Variants in TRPV3 observed in about 807,000 individuals in gnomAD.
TRPV3 encodes VRL-3.
A neutral mutation model predicts 87.1 loss-of-function variants in TRPV3; 88 were observed. The ratio of observed to expected loss-of-function variants is 1.01; its 90% CI spans 0.85 to 1.21. The LOEUF (loss-of-function observed/expected upper bound fraction) is 1.21. Ranked by LOEUF, TRPV3 falls within the 50% of genes most tolerant of loss-of-function variation. The pLI is 0.00. For synonymous variants in TRPV3, 438 were observed against 423.3 expected (o/e 1.03, Z -0.43); for missense variants, 1,054 against 1,030.1 (o/e 1.02, Z -0.32).
chr17:3,544,717 C>T (rs1426148306), intron 3 of TRPV3, 52 bp from the exon 4 acceptor site: 3 of 1,369,460 alleles, frequency 2.2e-6, no homozygotes, highest in South Asian at 1.2e-5. Flanking sequence ...TTAAAATGGG[C>T]CGGGTGAGGT....
Position 3,528,102 on chromosome 17 carries a change from T to A in TRPV3, c.1426A>T (p.Thr476Ser). The A allele has an allele frequency of 6.2e-7, 1 of 1,613,466 alleles. No homozygotes were observed. The highest frequency in any genetic ancestry group is 8.5e-7 in the Non-Finnish European group (1 of 1,179,856). Residue 476 changes from threonine to serine, a missense_variant, in exon 11 of 18, where the codon ACG becomes TCG. Coordinates refer to ENST00000576742, the MANE Select transcript of TRPV3 (RefSeq NM_145068.4). The surrounding 1 kb of genome is among the most constrained non-coding windows in gnomAD (Gnocchi z 4.2). ...AGCTGCAGCCACCCCATCTTGTGCGTCAGGGCCAAGGGGTGCGGGATGGCC... is the reference window on the plus strand; with the variant it reads ...AGCTGCAGCCACCCCATCTTGTGCGACAGGGCCAAGGGGTGCGGGATGGCC... ...EEAIPHPLAL[T>S]HKMGWLQLLG...
chr17:3,551,180 G>A (rs1567646135), intron 2 of TRPV3, among the ~76,000 whole-genome samples: 1 of 152,246 alleles, frequency 6.6e-6, no homozygotes, highest in Admixed American at 6.5e-5. Flanking sequence ...GTCTATGTCT[G>A]GAGAAGGAAG....
At chr17:3,543,011 G>T (rs2074483061) in intron 5 of TRPV3, among the ~76,000 whole-genome samples, 1 of 151,652 alleles carries the variant, frequency 6.6e-6, no homozygotes, top group African/African-American at 2.4e-5. Context: ...CCTCCTCGTG[G>T]CCTGCAAATA....
Position 3,530,337 on chromosome 17 carries a change from G to T in TRPV3, c.1066-134C>A, listed in dbSNP as rs544413134. ...GGGTGGAGACCTGCCTCTGCGCCTG[G>T]CGCCATGGCCCCTGGGCCCCGTCTT... On this transcript the variant is annotated intron_variant, in intron 8 of 17. Transcript: ENST00000576742. The surrounding 1 kb of genome is among the most constrained non-coding windows in gnomAD (Gnocchi z 4.0). 1 of 828,026 alleles carries T rather than the reference G, an allele frequency of 1.2e-6. No individual in the cohort carries two copies. Among genetic ancestry groups the T allele is most frequent in the Non-Finnish European group, 1.8e-6 (1 of 547,242 alleles). The allele number at this position is 828,026 out of a possible 1,614,324, so 51.3% of individuals were successfully genotyped here. A position where few individuals can be genotyped will look rare whatever the true frequency, so the allele number is the denominator to read the frequency against.
intron 15 of TRPV3, 114 bp from the exon 16 acceptor site, chr17:3,516,683 C>T (rs759455415): frequency 1.2e-5 from 9 of 758,080 alleles, no homozygotes; most frequent in South Asian, 3.1e-5. Context: ...ATGCATAGAT[C>T]GCAAGGGTTT....
chr17:3,521,086 T>C (rs376004416), intron 13 of TRPV3, 47 bp from the exon 14 acceptor site: 4 of 1,270,876 alleles, frequency 3.1e-6, no homozygotes, highest in Non-Finnish European at 4.5e-6. Flanking sequence ...AAGCACATAT[T>C]CACGGCACCC....
In TRPV3 at chr17:3,518,442, TG is replaced by T; in HGVS notation, c.2085+133del. On this transcript the variant is annotated intron_variant, in intron 15 of 17. Coordinates refer to ENST00000576742, the MANE Select transcript of TRPV3 (RefSeq NM_145068.4). The surrounding 1 kb of genome is among the most constrained non-coding windows in gnomAD (Gnocchi z 4.3). ...ACCTAGGCTAAGGCCTCCTCAAACCTGGCCACACACTGAGGAGCTTGTGCAG... is the reference window on the plus strand; with the variant it reads ...ACCTAGGCTAAGGCCTCCTCAAACCTGCCACACACTGAGGAGCTTGTGCAG... 1 of 1,074,986 alleles carries T rather than the reference TG, an allele frequency of 9.3e-7. No homozygotes were observed. Among genetic ancestry groups the T allele is most frequent in the Non-Finnish European group, 1.3e-6 (1 of 765,988 alleles). The allele number at this position is 1,074,986 out of a possible 1,614,324, so 66.6% of individuals were successfully genotyped here.
Position 3,520,819 on chromosome 17 carries a change from A to G in TRPV3, c.1810+154T>C, listed in dbSNP as rs56899958. ...AGTATAATAAAATATATATGTATAT[A>G]TATAAAGGTAATGCTTGGAAAATGC... On this transcript the variant is annotated intron_variant, in intron 14 of 17. Coordinates refer to ENST00000576742, the MANE Select transcript of TRPV3 (RefSeq NM_145068.4). Among the ~76,000 whole-genome samples, 185 of 152,318 alleles carry G rather than the reference A, an allele frequency of 1.2e-3. 3 individuals carry two copies. The East Asian group carries it at 0.032, about 27-fold the overall frequency.
chr17:3,515,006 CAGAG>C (rs1325943731), intron 16 of TRPV3, among the ~76,000 whole-genome samples: 1 of 152,116 alleles, frequency 6.6e-6, no homozygotes. Context: ...CGGGGACAGA[CAGAG>C]GGAGGGCCCG....
chr17:3,517,810 C>CTTTTTTTTTTTTTTTTTTTT (rs71153363), intron 15 of TRPV3, among the ~76,000 whole-genome samples: 2 of 113,178 alleles, frequency 1.8e-5, no homozygotes, highest in Non-Finnish European at 3.6e-5. Context: ...ATGAGCATTT[C>CTTTTTTTTTTTTTTTTTTTT]TTTTTTTTTT....
intron 6 of TRPV3, among the ~76,000 whole-genome samples, chr17:3,538,644 G>A (rs909309553): frequency 1.1e-4 from 16 of 151,930 alleles, no homozygotes; most frequent in Non-Finnish European, 2.2e-4. Context: ...GAGTGCAGTG[G>A]CGCGATCTCG....
intron 8 of TRPV3, 147 bp downstream of exon 8, chr17:3,532,510 C>A: frequency 9.4e-7 from 1 of 1,059,740 alleles, no homozygotes. Flanking sequence ...GCCGCCACGC[C>A]ACTGCAGTTC....
chr17:3,548,571 C>T (rs926564051), intron 2 of TRPV3, among the ~76,000 whole-genome samples: 8 of 152,234 alleles, frequency 5.3e-5, no homozygotes, highest in African/African-American at 1.9e-4. Flanking sequence ...CTGCCCTTTC[C>T]TCCAGCACAG....
At chr17:3,531,260 G>A (rs554029957) in intron 8 of TRPV3, among the ~76,000 whole-genome samples, 44 of 152,240 alleles carry the variant, frequency 2.9e-4, no homozygotes, top group African/African-American at 8.9e-4. Context: ...CCCAGGATGA[G>A]ACATGGACTT....
intron 13 of TRPV3, among the ~76,000 whole-genome samples, chr17:3,523,895 C>T (rs1391057920): frequency 4.1e-5 from 6 of 147,532 alleles, no homozygotes; most frequent in Admixed American, 4.0e-4. Flanking sequence ...ATTCCACCTA[C>T]ACACACACAC....
In TRPV3 at chr17:3,530,524, A is replaced by G. The variant is rs1163723512; in HGVS notation, c.1066-321T>C. Among the ~76,000 whole-genome samples, 3 of 152,190 alleles carry G rather than the reference A, an allele frequency of 2.0e-5. No individual in the cohort carries two copies. The highest frequency in any genetic ancestry group is 4.4e-5 in the Non-Finnish European group (3 of 68,018). On this transcript the variant is annotated intron_variant, in intron 8 of 17. Transcript: ENST00000576742. This position sits in a 1 kb window ranked among gnomAD's most constrained non-coding sequence, Gnocchi z 4.0. Reference sequence around the variant, plus strand: ...GGGGACCCGGTTCGGTGAAAAATCCAGGCACTGATGATTTTTTAGAAACAG... The same window carrying G: ...GGGGACCCGGTTCGGTGAAAAATCCGGGCACTGATGATTTTTTAGAAACAG...
In TRPV3 at chr17:3,528,703, G is replaced by A. The variant is rs756104837; in HGVS notation, c.1401+134C>T. 275 of 1,049,716 alleles carry A rather than the reference G, an allele frequency of 2.6e-4. 2 individuals carry two copies. Among genetic ancestry groups the A allele is most frequent in the Non-Finnish European group, 3.1e-4 (231 of 734,500 alleles). 65.0% of individuals were successfully genotyped at this position (1,049,716 alleles called of 1,614,324 possible). ...AGACATATTCAGTTCCCTGGGAAGC[G>A]TGAAGGACAACTGGGGGACCCCGCC... On this transcript the variant is annotated intron_variant, in intron 10 of 17. Coordinates refer to ENST00000576742, the MANE Select transcript of TRPV3 (RefSeq NM_145068.4). The surrounding 1 kb of genome is among the most constrained non-coding windows in gnomAD (Gnocchi z 4.2).
At chr17:3,522,260 T>C (rs11078454) in intron 13 of TRPV3, among the ~76,000 whole-genome samples, 61,191 of 151,972 alleles carry the variant, frequency 0.4, 13,397 homozygotes, top group Non-Finnish European at 0.5. Flanking sequence ...TCCCTAACTC[T>C]ATGTCCAGTA....
At chr17:3,514,264 A>G in intron 17 of TRPV3, 1 of 484,636 alleles carries the variant, frequency 2.1e-6, no homozygotes, top group South Asian at 2.4e-5. Flanking sequence ...TCTTTAGTAG[A>G]GACAAGGTGT....
Sources: gnomAD v4.1 joint callset for allele counts (sites outside exome capture counted in the v4.1 genomes callset) on GRCh38, gnomAD v4.1.1 for gene constraint, Gnocchi (gnomAD v3.1) non-coding constraint, MANE v1.5 for transcripts, NCBI Gene and HGNC (gene_info 2026-07-23, HGNC 2026-07-21) for gene names.